The following PLEKHA5 variants were observed in gnomAD, a reference collection of about 807,000 sequenced individuals.
The protein encoded by PLEKHA5 is pleckstrin homology domain-containing family A member 5.
Under a neutral mutation model 181.9 loss-of-function variants are expected in PLEKHA5, and 55 were observed. The ratio of observed to expected loss-of-function variants is 0.30; its 90% CI spans 0.24 to 0.38. The LOEUF is 0.38. Among genes scored for constraint, PLEKHA5 ranks in the 10% least tolerant of loss-of-function variants. The probability of loss-of-function intolerance (pLI) is 1.00; values close to 1 mark genes in which losing one functional copy is unlikely to be tolerated. For synonymous variants in PLEKHA5, 535 were observed against 529.4 expected (o/e 1.01, Z -0.15); for missense variants, 1,432 against 1,549.5 (o/e 0.92, Z 1.27).
intron 3 of PLEKHA5, among the ~76,000 whole-genome samples, chr12:19,188,008 T>C: frequency 6.6e-6 from 1 of 152,168 alleles, no homozygotes; most frequent in East Asian, 1.9e-4. Context: ...CATATTTGTG[T>C]TTTTTTCTTC....
chr12:19,170,891 C>T (rs999582431), intron 3 of PLEKHA5, among the ~76,000 whole-genome samples: 1 of 152,204 alleles, frequency 6.6e-6, no homozygotes, highest in Non-Finnish European at 1.5e-5. Context: ...ACAGACCCTA[C>T]ATTTATTAAA....
chr12:19,181,165 C>A (rs1015424419), intron 3 of PLEKHA5, among the ~76,000 whole-genome samples: 2 of 152,080 alleles, frequency 1.3e-5, no homozygotes, highest in Non-Finnish European at 2.9e-5. Context: ...AAATGGAAGA[C>A]TATAGCACAT....
chr12:19,331,253 TG>T (rs1346820234), intron 20 of PLEKHA5, among the ~76,000 whole-genome samples: 7 of 152,250 alleles, frequency 4.6e-5, no homozygotes, highest in African/African-American at 1.4e-4. Flanking sequence ...TAGTGTATTG[TG>T]TAACCATTCC....
chr12:19,241,035 A>G (rs914447633), intron 3 of PLEKHA5, among the ~76,000 whole-genome samples: 5 of 152,304 alleles, frequency 3.3e-5, no homozygotes, highest in African/African-American at 1.2e-4. Context: ...TCACATTATC[A>G]GTGTTCCTTA....
At chr12:19,225,449 T>C (rs148011622) in intron 3 of PLEKHA5, among the ~76,000 whole-genome samples, 150 of 152,300 alleles carry the variant, frequency 9.8e-4, no homozygotes, top group African/African-American at 3.4e-3. Context: ...GGTTTTAGTT[T>C]TAGCATTTGT....
At chr12:19,193,129 A>G (rs1441125935) in intron 3 of PLEKHA5, among the ~76,000 whole-genome samples, 1 of 152,184 alleles carries the variant, frequency 6.6e-6, no homozygotes, top group African/African-American at 2.4e-5. Context: ...TGGAGTGTTT[A>G]TGAGGTGCAT....
chr12:19,253,614 C>T (rs969909224), intron 3 of PLEKHA5, among the ~76,000 whole-genome samples: 1 of 151,592 alleles, frequency 6.6e-6, no homozygotes, highest in African/African-American at 2.4e-5. Context: ...GTCAGGAGTT[C>T]AAGACCAACC....
intron 15 of PLEKHA5, among the ~76,000 whole-genome samples, chr12:19,301,606 A>G (rs1231457931): frequency 6.6e-6 from 1 of 152,252 alleles, no homozygotes; most frequent in Non-Finnish European, 1.5e-5. Flanking sequence ...TACCACAAGG[A>G]CATAATCTAT....
chr12:19,288,204 T>C (rs1238621703), intron 13 of PLEKHA5: 1 of 200,602 alleles, frequency 5.0e-6, no homozygotes, highest in African/African-American at 2.3e-5. Flanking sequence ...AGCAGTTATT[T>C]GTAGTCAAAC....
chr12:19,266,227 A>G (rs1000414952), intron 8 of PLEKHA5, among the ~76,000 whole-genome samples: 1 of 151,636 alleles, frequency 6.6e-6, no homozygotes, highest in African/African-American at 2.4e-5. Context: ...TAATTCCAGC[A>G]CTTCCGGAGA....
intron 31 of PLEKHA5, chr12:19,372,598 C>G (rs1243712134): frequency 6.6e-6 from 1 of 151,514 alleles, no homozygotes; most frequent in Non-Finnish European, 1.5e-5. Flanking sequence ...ATATTTGTAA[C>G]TTTTATTTGA....
At chr12:19,317,762 A>G (rs940235872) in intron 16 of PLEKHA5, among the ~76,000 whole-genome samples, 1 of 152,024 alleles carries the variant, frequency 6.6e-6, no homozygotes, top group East Asian at 1.9e-4. Context: ...TAAATAAAAT[A>G]TAACACATGT....
intron 13 of PLEKHA5, among the ~76,000 whole-genome samples, chr12:19,287,818 C>T (rs1229731786): frequency 6.6e-6 from 1 of 152,160 alleles, no homozygotes; most frequent in South Asian, 2.1e-4. Context: ...GTGGCTCATG[C>T]CTGTAATCCC....
At chr12:19,322,756 A>T in intron 20 of PLEKHA5, 89 bp downstream of exon 20, 1 of 800,924 alleles carries the variant, frequency 1.2e-6, no homozygotes, top group Non-Finnish European at 2.0e-6. Context: ...GGCTCTCTTT[A>T]GGATTCTTCT....
At chr12:19,303,509 C>T (rs2082191342) in intron 15 of PLEKHA5, 1 of 152,184 alleles carries the variant, frequency 6.6e-6, no homozygotes, top group Admixed American at 6.6e-5. Flanking sequence ...GCTATATAGT[C>T]CCAGCTACCA....
At chr12:19,273,047 C>T (rs754619593) in intron 10 of PLEKHA5, among the ~76,000 whole-genome samples, 10 of 141,262 alleles carry the variant, frequency 7.1e-5, no homozygotes, top group Admixed American at 7.0e-4. Context: ...GGTGGGATTA[C>T]AGATGTCCTC....
chr12:19,368,574 C>T lies in PLEKHA5; in HGVS notation c.3755-1119C>T, dbSNP rs139117081. ...TTGGGAGACTGAGGCAGGTGGATCACCTGAGGTTTGGAGTTCGAGACCAGC... is the reference window on the plus strand; with the variant it reads ...TTGGGAGACTGAGGCAGGTGGATCATCTGAGGTTTGGAGTTCGAGACCAGC... On this transcript the variant is annotated intron_variant, in intron 30 of 31. Transcript: ENST00000429027. 6.6e-3 allele frequency among the ~76,000 whole-genome samples: 1,012 copies of T among 152,240 alleles called. 10 individuals carry two copies. The highest frequency in any genetic ancestry group is 0.023 in the African/African-American group (958 of 41,548).
At chr12:19,211,433 G>T (rs1303568692) in intron 3 of PLEKHA5, among the ~76,000 whole-genome samples, 1 of 152,030 alleles carries the variant, frequency 6.6e-6, no homozygotes, top group Admixed American at 6.6e-5. Flanking sequence ...AGAGAGCAGC[G>T]TGACTCCTGA....
intron 15 of PLEKHA5, chr12:19,303,584 C>G (rs1200159146): frequency 6.6e-6 from 1 of 152,090 alleles, no homozygotes; most frequent in Non-Finnish European, 1.5e-5. Context: ...CTATGCCGAT[C>G]AGGTGTCCAC....
Sources: gnomAD v4.1 joint callset for allele counts (sites outside exome capture counted in the v4.1 genomes callset) on GRCh38, gnomAD v4.1.1 for gene constraint, MANE v1.5 for transcripts, NCBI Gene and HGNC (gene_info 2026-07-23, HGNC 2026-07-21) for gene names.